The following SFI1 variants were observed in gnomAD, a reference collection of about 807,000 sequenced individuals.
SFI1 encodes the protein SFI1 centrin binding protein.
Under a neutral mutation model 207.5 loss-of-function variants are expected in SFI1, and 195 were observed. The ratio of observed to expected loss-of-function variants is 0.94; its 90% confidence interval spans 0.84 to 1.06. SFI1 has a LOEUF of 1.06. Among genes scored for constraint, SFI1 ranks in the 50% least tolerant of loss-of-function variants. The pLI is 0.00. For missense variants in SFI1, 1,634 were observed against 1,588.0 expected (o/e 1.03, Z -0.49); for synonymous variants, 630 against 598.9 (o/e 1.05, Z -0.76).
chr22:31,567,785 T>C (rs972093812), intron 8 of SFI1, among the ~76,000 whole-genome samples: 7 of 152,158 alleles, frequency 4.6e-5, no homozygotes, highest in Non-Finnish European at 1.5e-5. Context: ...AAAAAACAAT[T>C]GCCAGATTTT....
In SFI1 at chr22:31,561,422, CCT is replaced by C. The variant is rs1489761175; in HGVS notation, c.765+33_765+34del. 4.4e-6 allele frequency: 7 copies of C among 1,587,424 alleles called. No individual in the cohort carries two copies. The African/African-American group carries it at 6.7e-5, about 15-fold the overall frequency. On this transcript the variant is annotated intron_variant, in intron 8 of 32. Coordinates refer to ENST00000400288, the MANE Select transcript of SFI1 (RefSeq NM_001007467.3). The stretch of plus-strand genomic sequence containing the variant: ...GTCCAGCAGACGTGGGATTTGGCAT[CCT>C]CTGTCAGTGTTGTCAAGCCTCTCAC...
At chr22:31,567,542 A>G (rs867176036) in intron 8 of SFI1, among the ~76,000 whole-genome samples, 29 of 150,224 alleles carry the variant, frequency 1.9e-4, no homozygotes, top group Non-Finnish European at 5.9e-5. Flanking sequence ...AAGGATATAT[A>G]TGAATGTGTG....
chr22:31,512,381 A>G (rs1045307590), intron 2 of SFI1, among the ~76,000 whole-genome samples: 4 of 152,032 alleles, frequency 2.6e-5, no homozygotes, highest in African/African-American at 7.3e-5. Context: ...ATTACATGGT[A>G]AGAATATTTC....
At chr22:31,588,825 C>A (rs12167723) in intron 14 of SFI1, among the ~76,000 whole-genome samples, 1,654 of 148,488 alleles carry the variant, frequency 0.011, 15 homozygotes, top group Non-Finnish European at 0.018. Flanking sequence ...AAAAAAAAAA[C>A]AAAAAACAAC....
chr22:31,537,938 A>T (rs371919946), intron 4 of SFI1, among the ~76,000 whole-genome samples: 1 of 152,042 alleles, frequency 6.6e-6, no homozygotes. Context: ...TAATGCCTTT[A>T]TGTGCTTAGA....
At chr22:31,502,295 G>A (rs995667588) in intron 1 of SFI1, among the ~76,000 whole-genome samples, 5 of 151,922 alleles carry the variant, frequency 3.3e-5, no homozygotes, top group South Asian at 4.2e-4. Context: ...TAAAGTTGCC[G>A]TTTCCAAGAA....
At chr22:31,558,557 G>T (rs2061385948) in intron 7 of SFI1, among the ~76,000 whole-genome samples, 1 of 151,072 alleles carries the variant, frequency 6.6e-6, no homozygotes, top group South Asian at 2.1e-4. Flanking sequence ...CAACCTTCTG[G>T]GTTCAAGCCT....
At chr22:31,599,086 C>A (rs1460908228) in intron 15 of SFI1, among the ~76,000 whole-genome samples, 3 of 151,836 alleles carry the variant, frequency 2.0e-5, no homozygotes, top group Non-Finnish European at 4.4e-5. Context: ...GCCACCGCGC[C>A]CGGCCCAATT....
At chr22:31,597,427 A>T (rs1318817612) in intron 15 of SFI1, among the ~76,000 whole-genome samples, 1 of 152,090 alleles carries the variant, frequency 6.6e-6, no homozygotes, top group Non-Finnish European at 1.5e-5. Flanking sequence ...TCATGAGCAG[A>T]GTGATTGAGA....
chr22:31,613,211 G>A lies in SFI1; in HGVS notation c.2560G>A (p.Ala854Thr), dbSNP rs746079398. Residue 854 changes from alanine to threonine, a missense_variant, in exon 25 of 33, where the codon GCA becomes ACA. Ala to Thr is a moderately conservative substitution (Grantham distance 58). Transcript: ENST00000400288. ...ALWFWAFSLQAKVWATWLAFV... is the reference protein window; with the variant it reads ...ALWFWAFSLQTKVWATWLAFV... ...GTGGTTCTGGGCCTTCTCGCTGCAG[G>A]CAAAGGTAATTGGGGCTCTGCATCC... 6.2e-7 allele frequency: 1 copy of A among 1,613,752 alleles called. No homozygotes were observed. Among genetic ancestry groups the A allele is most frequent in the Non-Finnish European group, 8.5e-7 (1 of 1,180,018 alleles).
At chr22:31,496,987 A>G (rs553753677) in intron 1 of SFI1, among the ~76,000 whole-genome samples, 1 of 152,190 alleles carries the variant, frequency 6.6e-6, no homozygotes, top group Non-Finnish European at 1.5e-5. Context: ...GCGCGGATCC[A>G]AATCAGGGGT....
chr22:31,561,494 G>A (rs5998046), intron 8 of SFI1, 102 bp downstream of exon 8: 9 of 967,822 alleles, frequency 9.3e-6, no homozygotes, highest in African/African-American at 1.6e-5. Flanking sequence ...CAGGGCCTGA[G>A]AGGGGGTGGG....
At chr22:31,530,043 G>T (rs1203778421) in intron 3 of SFI1, among the ~76,000 whole-genome samples, 1 of 150,752 alleles carries the variant, frequency 6.6e-6, no homozygotes, top group African/African-American at 2.4e-5. Flanking sequence ...GGTGGCAGGT[G>T]CCTGTAGTCG....
At chr22:31,593,229 A>T (rs1470849203) in intron 15 of SFI1, among the ~76,000 whole-genome samples, 1 of 148,598 alleles carries the variant, frequency 6.7e-6, no homozygotes, top group African/African-American at 2.5e-5. Context: ...GGGGCTCCTC[A>T]CTTCTCAGAC....
chr22:31,592,819 A>C (rs1331429328), intron 15 of SFI1, among the ~76,000 whole-genome samples: 13 of 97,422 alleles, frequency 1.3e-4, no homozygotes, highest in East Asian at 3.1e-4. Flanking sequence ...TGACCCCCCC[A>C]CCTCCCTCCC....
At chr22:31,519,612 A>G (rs2056969212) in intron 2 of SFI1, among the ~76,000 whole-genome samples, 1 of 151,500 alleles carries the variant, frequency 6.6e-6, no homozygotes, top group Non-Finnish European at 1.5e-5. Flanking sequence ...AATTTTTTGT[A>G]TTTTTAGTAG....
intron 12 of SFI1, among the ~76,000 whole-genome samples, chr22:31,582,234 A>ATG (rs2064379763): frequency 4.9e-5 from 1 of 20,516 alleles, no homozygotes; most frequent in African/African-American, 2.1e-4. Context: ...ATATATATAT[A>ATG]TATTTTTTTT....
intron 15 of SFI1, among the ~76,000 whole-genome samples, chr22:31,593,050 C>T (rs1211030606): frequency 1.4e-4 from 20 of 140,678 alleles, no homozygotes; most frequent in African/African-American, 5.5e-4. Context: ...CCCCCACCTC[C>T]CTCCCGGACG....
intron 15 of SFI1, among the ~76,000 whole-genome samples, chr22:31,599,297 A>G (rs1483142813): frequency 6.7e-6 from 1 of 150,054 alleles, no homozygotes; most frequent in Non-Finnish European, 1.5e-5. Flanking sequence ...TTCTGTGTTT[A>G]TCAGGTTTTT....
Sources: allele counts gnomAD v4.1 joint callset (sites outside exome capture counted in the v4.1 genomes callset), GRCh38; gene constraint gnomAD v4.1.1; transcripts MANE v1.5; gene names NCBI Gene and HGNC (gene_info 2026-07-23, HGNC 2026-07-21).